ANKRD36: variants seen among roughly 807,000 people sequenced by gnomAD.
ANKRD36 encodes ankyrin repeat domain 36.
In ANKRD36, 179 loss-of-function variants were observed where a neutral mutation model predicts 278.1. The ratio of observed to expected loss-of-function variants is 0.64; its 90% confidence interval spans 0.57 to 0.73. The LOEUF (loss-of-function observed/expected upper bound fraction) is 0.73. Among genes scored for constraint, ANKRD36 ranks in the 30% least tolerant of loss-of-function variants. The pLI is 0.00. For synonymous variants in ANKRD36, 320 were observed against 641.1 expected (o/e 0.50, Z 7.57); for missense variants, 1,159 against 1,956.7 (o/e 0.59, Z 7.69).
At chr2:97,159,737 AT>A (rs1178085166) in intron 17 of ANKRD36, among the ~76,000 whole-genome samples, 54 of 151,074 alleles carry the variant, frequency 3.6e-4, no homozygotes, top group Non-Finnish European at 7.7e-4. Context: ...ATAATAAAAA[AT>A]AATAAAAATT....
chr2:97,210,925 G>A (rs1274595914), intron 56 of ANKRD36, among the ~76,000 whole-genome samples: 5 of 152,000 alleles, frequency 3.3e-5, no homozygotes, highest in Admixed American at 6.6e-5. Context: ...GTCTAAACTA[G>A]TGGATACAAG....
In ANKRD36 at chr2:97,187,217, A is replaced by G. The variant is rs779244413; in HGVS notation, c.2061A>G (p.Pro687=). ...QCGTVSSQKQ[P]ALKATTDEED... ...TTTCAGTGTCTTCTCAGAAACAACC[A>G]GCCTTGAAGGTAATTAAACTCTCAT... The change falls in exon 31 of 76, where the codon CCA becomes CCG. Residue 687 remains proline, a synonymous_variant. Coordinates refer to ENST00000420699, the MANE Select transcript of ANKRD36 (RefSeq NM_001354587.1). 2.5e-6 allele frequency: 4 copies of G among 1,609,748 alleles called. No individual in the cohort carries two copies. In the South Asian group the frequency reaches 4.4e-5, roughly 18 times the overall value.
intron 67 of ANKRD36, among the ~76,000 whole-genome samples, chr2:97,229,866 G>A (rs1315829406): frequency 6.6e-6 from 1 of 152,082 alleles, no homozygotes; most frequent in Admixed American, 6.5e-5. Flanking sequence ...TTGCTTGTCT[G>A]TGAAGTATTT....
intron 22 of ANKRD36, among the ~76,000 whole-genome samples, chr2:97,178,662 A>G (rs1416799661): frequency 8.5e-6 from 1 of 118,108 alleles, no homozygotes; most frequent in African/African-American, 3.2e-5. Flanking sequence ...GGAATATCAC[A>G]CTCTGGGGAC....
intron 48 of ANKRD36, among the ~76,000 whole-genome samples, chr2:97,202,606 T>C (rs907341400): frequency 6.6e-6 from 1 of 151,732 alleles, no homozygotes; most frequent in African/African-American, 2.4e-5. Flanking sequence ...CACATTGAAG[T>C]TGGGAAGAAT....
intron 22 of ANKRD36, among the ~76,000 whole-genome samples, chr2:97,173,229 A>G (rs1272100383): frequency 1.3e-5 from 2 of 151,544 alleles, no homozygotes; most frequent in African/African-American, 2.4e-5. Flanking sequence ...ATAGCTCCAC[A>G]AAGTGTTGTG....
intron 22 of ANKRD36, among the ~76,000 whole-genome samples, chr2:97,168,336 G>A (rs374230903): frequency 1.4e-4 from 21 of 152,272 alleles, no homozygotes; most frequent in Non-Finnish European, 2.5e-4. Context: ...TCATTTTTTC[G>A]TGACTCTTTG....
intron 28 of ANKRD36, among the ~76,000 whole-genome samples, chr2:97,184,339 A>G (rs2056928481): frequency 6.6e-6 from 1 of 151,824 alleles, no homozygotes; most frequent in East Asian, 2.0e-4. Flanking sequence ...GGCATCAGAC[A>G]TATATTTTTT....
intron 22 of ANKRD36, among the ~76,000 whole-genome samples, chr2:97,179,512 T>C (rs564439962): frequency 3.6e-4 from 55 of 151,670 alleles, no homozygotes; most frequent in African/African-American, 1.3e-3. Context: ...GAAAGTCATA[T>C]CACATATGAA....
chr2:97,215,996 T>G (rs1348185952), intron 62 of ANKRD36, among the ~76,000 whole-genome samples: 1 of 151,920 alleles, frequency 6.6e-6, no homozygotes, highest in African/African-American at 2.4e-5. Context: ...AGAAGTTATT[T>G]ATGTAATTTT....
At chr2:97,206,000 G>A in intron 51 of ANKRD36, 32 bp downstream of exon 51, 2 of 1,547,784 alleles carry the variant, frequency 1.3e-6, no homozygotes, top group Non-Finnish European at 8.7e-7. Flanking sequence ...TTGTGAACGA[G>A]TTAATATATG....
At chr2:97,169,524 A>T (rs556281294) in intron 22 of ANKRD36, among the ~76,000 whole-genome samples, 3 of 152,302 alleles carry the variant, frequency 2.0e-5, no homozygotes, top group Non-Finnish European at 4.4e-5. Context: ...ATGATTGTAT[A>T]TTTAGGAAAC....
chr2:97,210,139 A>G (rs1270096296), intron 56 of ANKRD36, among the ~76,000 whole-genome samples: 6 of 151,826 alleles, frequency 4.0e-5, no homozygotes, highest in Non-Finnish European at 8.8e-5. Context: ...CTGGGGAACA[A>G]CATAATTTTA....
chr2:97,198,025 G>A (rs1474952014), intron 42 of ANKRD36, among the ~76,000 whole-genome samples: 2 of 151,858 alleles, frequency 1.3e-5, no homozygotes, highest in Non-Finnish European at 2.9e-5. Context: ...CAGTTATTGG[G>A]CAAGTTAAAG....
intron 40 of ANKRD36, among the ~76,000 whole-genome samples, chr2:97,196,333 T>C (rs1206730490): frequency 2.0e-5 from 3 of 151,972 alleles, no homozygotes; most frequent in African/African-American, 7.2e-5. Flanking sequence ...GACATTGATA[T>C]TGATACGGTT....
At chr2:97,157,535 A>G (rs1002270587) in intron 15 of ANKRD36, among the ~76,000 whole-genome samples, 5 of 109,056 alleles carry the variant, frequency 4.6e-5, no homozygotes, top group Admixed American at 8.8e-5. Context: ...GCCTTCATTC[A>G]TGAATCATTG....
chr2:97,248,060 T>C (rs1383006006), intron 72 of ANKRD36: 2 of 144,706 alleles, frequency 1.4e-5, no homozygotes, highest in East Asian at 5.6e-4. Flanking sequence ...ATTATCTTCT[T>C]TTTAGTCTCT....
chr2:97,203,001 G>A (rs1396725980), intron 48 of ANKRD36, among the ~76,000 whole-genome samples: 1 of 151,762 alleles, frequency 6.6e-6, no homozygotes, highest in Non-Finnish European at 1.5e-5. Flanking sequence ...GCTGGAAGAA[G>A]GAAGCAATCC....
chr2:97,193,723 A>C (rs186413322), intron 38 of ANKRD36, among the ~76,000 whole-genome samples: 36 of 151,830 alleles, frequency 2.4e-4, no homozygotes, highest in Admixed American at 1.1e-3. Context: ...ACTATTAGGC[A>C]TCAGAGATAC....
Sources: gnomAD v4.1 joint callset for allele counts (sites outside exome capture counted in the v4.1 genomes callset) on GRCh38, gnomAD v4.1.1 for gene constraint, MANE v1.5 for transcripts, NCBI Gene and HGNC (gene_info 2026-07-23, HGNC 2026-07-21) for gene names.